The following SMIM13 variants were observed in gnomAD, a reference collection of about 807,000 sequenced individuals.
The protein encoded by SMIM13 is UPF0766 protein C6orf228.
A neutral mutation model predicts 5.9 loss-of-function variants in SMIM13; 3 were observed. The observed-to-expected ratio is 0.51, with a 90% CI of 0.23 to 1.31. The LOEUF (loss-of-function observed/expected upper bound fraction) is 1.31, where lower values mean the gene tolerates loss of function less well. Ranked by LOEUF, SMIM13 falls within the 40% of genes most tolerant of loss-of-function variation. The pLI, the probability that SMIM13 is intolerant of heterozygous loss-of-function variation, is 0.18. For missense variants in SMIM13, 85 were observed against 109.9 expected, an observed-to-expected ratio of 0.77 and a Z score of 1.01; for synonymous variants, 55 against 46.0, an observed-to-expected ratio of 1.19 and a Z score of -0.79.
intron 1 of SMIM13, chr6:11,103,608 A>G (rs1157580616): frequency 1.4e-6 from 2 of 1,459,634 alleles, no homozygotes; most frequent in South Asian, 1.5e-5. Flanking sequence ...TGGATTGGCA[A>G]AAACCATATC....
intron 1 of SMIM13, among the ~76,000 whole-genome samples, chr6:11,123,114 C>T (rs1432232849): frequency 2.6e-5 from 4 of 152,088 alleles, no homozygotes; most frequent in Non-Finnish European, 5.9e-5. Flanking sequence ...GTACCTGCTC[C>T]TGGGGCTGAC....
chr6:11,096,314 C>T (rs1757921952), intron 1 of SMIM13, among the ~76,000 whole-genome samples: 1 of 152,126 alleles, frequency 6.6e-6, no homozygotes, highest in Non-Finnish European at 1.5e-5. Flanking sequence ...GGTTTGTGCT[C>T]CTATGAGAAT....
Position 11,094,366 on chromosome 6 carries a change from T to C in SMIM13, c.53T>C (p.Ile18Thr). ...TLLVFVATLL[I>T]VLLLMVCGWY... ...CTTGTGTTCGTGGCCACGCTGCTGATCGTCCTGCTGCTGATGGTGTGCGGT... is the reference window on the plus strand; with the variant it reads ...CTTGTGTTCGTGGCCACGCTGCTGACCGTCCTGCTGCTGATGGTGTGCGGT... Residue 18 changes from isoleucine to threonine, a missense_variant, in exon 1 of 2, where the codon ATC (isoleucine) becomes ACC (threonine). Transcript: ENST00000416247. 6.5e-7 allele frequency: 1 copy of C among 1,537,950 alleles called. No homozygotes were observed. The highest frequency in any genetic ancestry group is 8.7e-7 in the Non-Finnish European group (1 of 1,144,004).
chr6:11,117,165 ATTT>A (rs34579750), intron 1 of SMIM13, among the ~76,000 whole-genome samples: 2 of 69,032 alleles, frequency 2.9e-5, no homozygotes, highest in Non-Finnish European at 6.0e-5. Context: ...TAATTTTTGT[ATTT>A]TTTTTTTTTT....
chr6:11,108,623 A>T (rs551703854), intron 1 of SMIM13, among the ~76,000 whole-genome samples: 15 of 152,166 alleles, frequency 9.9e-5, no homozygotes, highest in Non-Finnish European at 1.6e-4. Flanking sequence ...GCAGGTTTGC[A>T]GGGCAGTCAG....
intron 1 of SMIM13, among the ~76,000 whole-genome samples, chr6:11,114,657 G>A (rs1377673913): frequency 1.5e-5 from 2 of 137,550 alleles, no homozygotes; most frequent in African/African-American, 5.6e-5. Flanking sequence ...GGAATGTGGT[G>A]GTATGATCTC....
At chr6:11,101,957 C>G (rs1254488464) in intron 1 of SMIM13, among the ~76,000 whole-genome samples, 3 of 152,180 alleles carry the variant, frequency 2.0e-5, no homozygotes, top group Admixed American at 6.5e-5. Flanking sequence ...CCAGGCTGGT[C>G]TTGAACTCCT....
chr6:11,132,025 G>T (rs1247346992), intron 1 of SMIM13, among the ~76,000 whole-genome samples: 1 of 152,124 alleles, frequency 6.6e-6, no homozygotes, highest in African/African-American at 2.4e-5. Flanking sequence ...TCATATACCT[G>T]ATAAGCATCT....
At position 11,118,754 on chromosome 6, in the gene SMIM13, G is replaced by A. The variant is rs1470455630; in HGVS notation, c.77-15649G>A. Reference sequence around the variant, plus strand: ...TTGCCTTAGAGGGGAGGAGGTTGGAGCCTATGAGATGGTAACAGAGCTAAT... The same window carrying A: ...TTGCCTTAGAGGGGAGGAGGTTGGAACCTATGAGATGGTAACAGAGCTAAT... On this transcript the variant is annotated intron_variant, in intron 1 of 1. Coordinates refer to ENST00000416247, the MANE Select transcript of SMIM13 (RefSeq NM_001135575.2). 2.0e-5 allele frequency among the ~76,000 whole-genome samples: 3 copies of A among 152,184 alleles called. No individual in the cohort carries two copies. In the East Asian group the frequency reaches 5.8e-4, roughly 29 times the overall value.
chr6:11,118,212 A>C (rs974931371), intron 1 of SMIM13, among the ~76,000 whole-genome samples: 9 of 152,112 alleles, frequency 5.9e-5, no homozygotes, highest in African/African-American at 2.2e-4. Flanking sequence ...ATATAATCAA[A>C]AGGAATGTTT....
chr6:11,103,894 A>G, intron 1 of SMIM13: 1 of 1,551,688 alleles, frequency 6.4e-7, no homozygotes, highest in Non-Finnish European at 8.7e-7. Flanking sequence ...GTTCCTTCCC[A>G]ATTTAACCAA....
At chr6:11,126,876 C>T (rs1046161733) in intron 1 of SMIM13, among the ~76,000 whole-genome samples, 1 of 152,144 alleles carries the variant, frequency 6.6e-6, no homozygotes, top group East Asian at 1.9e-4. Flanking sequence ...TATGCCGTGG[C>T]TCTTGCAGAC....
intron 1 of SMIM13, among the ~76,000 whole-genome samples, chr6:11,117,212 G>A (rs1259780005): frequency 1.4e-5 from 2 of 144,404 alleles, no homozygotes; most frequent in Non-Finnish European, 3.0e-5. Flanking sequence ...CGCCCAGGCT[G>A]GAGTGCAGTG....
chr6:11,108,025 AG>A (rs146090700), intron 1 of SMIM13, among the ~76,000 whole-genome samples: 1 of 152,286 alleles, frequency 6.6e-6, no homozygotes, highest in East Asian at 1.9e-4. Context: ...GGTTTCCTTG[AG>A]GCATAAGATT....
intron 1 of SMIM13, among the ~76,000 whole-genome samples, chr6:11,129,046 A>G (rs1048173216): frequency 5.4e-5 from 8 of 148,584 alleles, no homozygotes; most frequent in East Asian, 2.0e-4. Flanking sequence ...TTTTGTGTGG[A>G]TAGTTGTTCA....
chr6:11,104,148 A>C (rs528010611), intron 1 of SMIM13: 6 of 1,551,630 alleles, frequency 3.9e-6, no homozygotes, highest in Non-Finnish European at 5.2e-6. Flanking sequence ...GTTGTTGGCT[A>C]TTTCCTTTGA....
intron 1 of SMIM13, chr6:11,103,746 G>C (rs138651238): frequency 6.4e-7 from 1 of 1,551,550 alleles, no homozygotes; most frequent in Non-Finnish European, 8.7e-7. Context: ...ACTGAGATTC[G>C]TCTGGAGCTT....
At chr6:11,133,694 C>T (rs147599613) in intron 1 of SMIM13, among the ~76,000 whole-genome samples, 190 of 151,146 alleles carry the variant, frequency 1.3e-3, no homozygotes, top group African/African-American at 4.4e-3. Context: ...TCCTTATTAG[C>T]GAACATTTAA....
intron 1 of SMIM13, chr6:11,103,872 A>T: frequency 2.6e-6 from 4 of 1,551,714 alleles, no homozygotes; most frequent in South Asian, 2.4e-5. Flanking sequence ...AACCCAAGAG[A>T]ACCATTTCCA....
Sources: allele counts gnomAD v4.1 joint callset (sites outside exome capture counted in the v4.1 genomes callset), GRCh38; gene constraint gnomAD v4.1.1; transcripts MANE v1.5; gene names NCBI Gene and HGNC (gene_info 2026-07-23, HGNC 2026-07-21).